Variants in TBC1D5 observed in about 807,000 individuals in gnomAD.
TBC1D5 encodes the protein TBC1 domain family, member 5.
A neutral mutation model predicts 100.3 loss-of-function variants in TBC1D5; 75 were observed. The observed-to-expected ratio is 0.75, with a 90% CI of 0.62 to 0.91. TBC1D5 has a LOEUF of 0.91. Among genes scored for constraint, TBC1D5 ranks in the 40% least tolerant of loss-of-function variants. The probability of loss-of-function intolerance (pLI) is 0.00; values close to 1 mark genes in which losing one functional copy is unlikely to be tolerated. For synonymous variants in TBC1D5, 323 were observed against 325.6 expected (o/e 0.99, Z 0.09); for missense variants, 910 against 942.4 (o/e 0.97, Z 0.45).
intron 2 of TBC1D5, among the ~76,000 whole-genome samples, chr3:17,515,646 T>G (rs2095975742): frequency 6.6e-6 from 1 of 152,212 alleles, no homozygotes; most frequent in Admixed American, 6.5e-5. Flanking sequence ...TAGGGTAGTT[T>G]CCTTTGTTAT....
chr3:17,313,208 TAACC>T (rs1044437418), intron 13 of TBC1D5, among the ~76,000 whole-genome samples: 2 of 152,146 alleles, frequency 1.3e-5, no homozygotes, highest in Non-Finnish European at 2.9e-5. Flanking sequence ...TGCTGAGAAG[TAACC>T]TCTCTACCCT....
intron 12 of TBC1D5, among the ~76,000 whole-genome samples, chr3:17,373,083 T>C (rs2092547196): frequency 6.6e-6 from 1 of 152,196 alleles, no homozygotes; most frequent in Admixed American, 6.6e-5. Context: ...AAATTTCATA[T>C]TCTTTTCACA....
intron 8 of TBC1D5, among the ~76,000 whole-genome samples, chr3:17,399,651 T>C (rs998041059): frequency 2.6e-5 from 4 of 152,234 alleles, no homozygotes; most frequent in Non-Finnish European, 5.9e-5. Flanking sequence ...ATCATGCCAC[T>C]GCTCAATGTC....
chr3:17,677,399 T>C (rs1010244636), intron 1 of TBC1D5, among the ~76,000 whole-genome samples: 1 of 152,054 alleles, frequency 6.6e-6, no homozygotes, highest in Non-Finnish European at 1.5e-5. Flanking sequence ...CATGAAAAAA[T>C]GCTCATCATC....
At chr3:17,330,427 C>T (rs534399052) in intron 13 of TBC1D5, among the ~76,000 whole-genome samples, 124 of 152,266 alleles carry the variant, frequency 8.1e-4, no homozygotes, top group South Asian at 4.8e-3. Flanking sequence ...TCAAAGCATT[C>T]TCTCTAGCTA....
chr3:17,650,296 A>T (rs2065420411), intron 1 of TBC1D5, among the ~76,000 whole-genome samples: 1 of 152,144 alleles, frequency 6.6e-6, no homozygotes, highest in African/African-American at 2.4e-5. Context: ...TATAAAAATA[A>T]AATAAAATAA....
At chr3:17,523,721 A>G (rs1440818392) in intron 2 of TBC1D5, among the ~76,000 whole-genome samples, 1 of 152,218 alleles carries the variant, frequency 6.6e-6, no homozygotes, top group South Asian at 2.1e-4. Context: ...ACATTTAAAT[A>G]GCAGTTTGCA....
At chr3:17,457,714 C>T (rs767856564) in intron 3 of TBC1D5, among the ~76,000 whole-genome samples, 11 of 151,102 alleles carry the variant, frequency 7.3e-5, no homozygotes, top group African/African-American at 1.9e-4. Context: ...TTTTTTCTTG[C>T]GCGTTCATAT....
rs73153063 is a variant in TBC1D5 at position 17,497,895 on chromosome 3, G to A, written c.97+10579C>T. ...AAAGCTAGTTGAGCTTTTTTTTCCC[G>A]GACTAAAATTAAAGATATTTGTTAA... On this transcript the variant is annotated intron_variant, in intron 3 of 21. Coordinates refer to ENST00000253692, the Ensembl canonical transcript of TBC1D5. Among the ~76,000 whole-genome samples the A allele has an allele frequency of 1.9e-4, 29 of 151,102 alleles. 1 individual carries two copies. The highest frequency in any genetic ancestry group is 6.6e-4 in the African/African-American group (27 of 41,132).
At chr3:17,668,677 G>A (rs918279985) in intron 1 of TBC1D5, among the ~76,000 whole-genome samples, 1 of 151,958 alleles carries the variant, frequency 6.6e-6, no homozygotes, top group African/African-American at 2.4e-5. Context: ...TTCATTCTGC[G>A]TAAACTGCCA....
chr3:17,546,527 G>C (rs1369905821), intron 2 of TBC1D5, among the ~76,000 whole-genome samples: 2 of 151,988 alleles, frequency 1.3e-5, no homozygotes, highest in Non-Finnish European at 2.9e-5. Flanking sequence ...ACTTTGGGAG[G>C]CTGAGGCGGG....
intron 1 of TBC1D5, among the ~76,000 whole-genome samples, chr3:17,704,675 C>A (rs1293982299): frequency 1.5e-5 from 1 of 68,686 alleles, no homozygotes; most frequent in Non-Finnish European, 3.0e-5. Flanking sequence ...CCCTCCCGGA[C>A]GGGGCGGCTG....
At chr3:17,425,314 C>T (rs1384440378) in intron 4 of TBC1D5, among the ~76,000 whole-genome samples, 7 of 152,148 alleles carry the variant, frequency 4.6e-5, no homozygotes, top group African/African-American at 1.7e-4. Context: ...TGAACCAGTA[C>T]ACTATGTTTA....
chr3:17,410,296 A>G (rs534398002), intron 4 of TBC1D5, among the ~76,000 whole-genome samples: 4 of 152,142 alleles, frequency 2.6e-5, no homozygotes, highest in East Asian at 1.9e-4. Flanking sequence ...TTGCTCAGGA[A>G]AAAAGATTCC....
intron 1 of TBC1D5, among the ~76,000 whole-genome samples, chr3:17,631,781 C>G (rs1034598344): frequency 3.9e-5 from 6 of 152,154 alleles, no homozygotes; most frequent in African/African-American, 1.4e-4. Context: ...ATTTATTGAA[C>G]ATTTTAAGCC....
chr3:17,236,589 G>C (rs2075874166), intron 17 of TBC1D5, among the ~76,000 whole-genome samples: 3 of 151,568 alleles, frequency 2.0e-5, no homozygotes, highest in Non-Finnish European at 2.9e-5. Context: ...AGGTTCAAAT[G>C]ATTCTCCTGC....
intron 4 of TBC1D5, among the ~76,000 whole-genome samples, chr3:17,421,441 A>T (rs1327435854): frequency 1.3e-5 from 2 of 152,224 alleles, no homozygotes; most frequent in African/African-American, 4.8e-5. Context: ...AGTTCCTCTT[A>T]TATAATCTAT....
At chr3:17,184,605 G>A (rs2068799414) in intron 19 of TBC1D5, 1 of 152,066 alleles carries the variant, frequency 6.6e-6, no homozygotes, top group South Asian at 2.1e-4. Context: ...ACAACTTGCT[G>A]CAACCTCAAA....
chr3:17,432,311 C>T (rs908677742), intron 3 of TBC1D5, among the ~76,000 whole-genome samples: 4 of 151,710 alleles, frequency 2.6e-5, no homozygotes, highest in African/African-American at 9.7e-5. Flanking sequence ...TTAGTATATA[C>T]CAATGAAATG....
Sources: gnomAD v4.1 joint callset for allele counts (sites outside exome capture counted in the v4.1 genomes callset) on GRCh38, gnomAD v4.1.1 for gene constraint, MANE v1.5 for transcripts, NCBI Gene and HGNC (gene_info 2026-07-23, HGNC 2026-07-21) for gene names.